SPTLC3: variants seen among roughly 807,000 people sequenced by gnomAD.
The protein encoded by SPTLC3 is serine palmitoyltransferase long chain base subunit 3, also known as serine palmitoyltransferase 3.
A neutral mutation model predicts 59.3 loss-of-function variants in SPTLC3; 36 were observed. The observed-to-expected ratio is 0.61, with a 90% CI of 0.47 to 0.80. The LOEUF is 0.80. Ranked by LOEUF, SPTLC3 falls within the 30% of genes least tolerant of loss-of-function variation. SPTLC3 has a pLI of 0.00. For synonymous variants in SPTLC3, 257 were observed against 240.8 expected (o/e 1.07, Z -0.62); for missense variants, 625 against 685.1 (o/e 0.91, Z 0.98).
intron 7 of SPTLC3, among the ~76,000 whole-genome samples, chr20:13,113,671 G>T (rs1485233871): frequency 6.6e-6 from 1 of 152,126 alleles, no homozygotes; most frequent in Non-Finnish European, 1.5e-5. Flanking sequence ...GCCTCCATAG[G>T]GTACTTTGGT....
intron 1 of SPTLC3, among the ~76,000 whole-genome samples, chr20:13,032,981 C>G (rs1388384487): frequency 6.6e-6 from 1 of 152,210 alleles, no homozygotes; most frequent in Non-Finnish European, 1.5e-5. Flanking sequence ...CTCTCTTTGA[C>G]TTCTGGGGTC....
intron 2 of SPTLC3, among the ~76,000 whole-genome samples, chr20:13,055,400 A>T (rs994462927): frequency 2.0e-5 from 3 of 152,050 alleles, no homozygotes; most frequent in Non-Finnish European, 4.4e-5. Context: ...AGTGATCTCC[A>T]TGGCCCCTAA....
intron 9 of SPTLC3, among the ~76,000 whole-genome samples, chr20:13,151,775 TG>T (rs2038653732): frequency 6.6e-6 from 1 of 152,182 alleles, no homozygotes; most frequent in Non-Finnish European, 1.5e-5. Context: ...AAATGTTAGA[TG>T]TCTGGGTAAA....
chr20:13,057,170 C>G (rs1987764675), intron 2 of SPTLC3, among the ~76,000 whole-genome samples: 1 of 152,158 alleles, frequency 6.6e-6, no homozygotes, highest in South Asian at 2.1e-4. Context: ...TCCAGTGACA[C>G]TTCATTCTTT....
rs1315027946 is a variant in SPTLC3, at chr20:13,168,571, C to T, written c.*3704C>T. The T allele has an allele frequency of 6.6e-6, 1 of 152,194 alleles. No homozygotes were observed. The highest frequency in any genetic ancestry group is 1.9e-4 in the East Asian group (1 of 5,204). The allele number at this position is 152,194 out of a possible 1,614,324, so 9.4% of individuals were successfully genotyped here. A position where few individuals can be genotyped will look rare whatever the true frequency, so the allele number is the denominator to read the frequency against. ...ATTATTTATTCCAACAACAGCTCTT[C>T]AGTAGGGTAAAAGTCTTAACAGTTC... On this transcript the variant is annotated 3_prime_UTR_variant, in exon 12 of 12. Coordinates refer to ENST00000399002, the MANE Select transcript of SPTLC3 (RefSeq NM_018327.4).
At chr20:13,014,262 T>C (rs1405235146) in intron 1 of SPTLC3, among the ~76,000 whole-genome samples, 1 of 152,176 alleles carries the variant, frequency 6.6e-6, no homozygotes, top group Non-Finnish European at 1.5e-5. Flanking sequence ...GTGACCATCT[T>C]TGGAAATAGT....
chr20:13,058,304 T>C (rs1241421487), intron 2 of SPTLC3, among the ~76,000 whole-genome samples: 1 of 152,192 alleles, frequency 6.6e-6, no homozygotes, highest in Non-Finnish European at 1.5e-5. Context: ...GGTGACTGGG[T>C]ATGAGATATG....
chr20:13,020,753 G>A (rs1985839071), intron 1 of SPTLC3, among the ~76,000 whole-genome samples: 1 of 152,026 alleles, frequency 6.6e-6, no homozygotes, highest in South Asian at 2.1e-4. Context: ...CACTAGCTTT[G>A]ATATCAGATG....
In SPTLC3 at chr20:13,164,786, C is replaced by G. The variant is rs1017390425; in HGVS notation, c.1578C>G (p.Leu526=). Reference sequence around the variant, plus strand: ...AAGCTCTTGATGAAATGGGTGATCTCTTGCAACTGAAATATTCCCGGCACA... The same window carrying G: ...AAGCTCTTGATGAAATGGGTGATCTGTTGCAACTGAAATATTCCCGGCACA... The part of the protein sequence containing the change: ...VLEALDEMGD[L]LQLKYSRHKK... Residue 526 remains leucine, a synonymous_variant, in exon 12 of 12, where the codon CTC becomes CTG. Transcript: ENST00000399002. The G allele has an allele frequency of 3.1e-6, 5 of 1,613,808 alleles. No individual in the cohort carries two copies. Among genetic ancestry groups the G allele is most frequent in the Non-Finnish European group, 3.4e-6 (4 of 1,179,866 alleles).
chr20:13,153,929 T>C, intron 9 of SPTLC3, 74 bp from the exon 10 acceptor site: 1 of 1,575,472 alleles, frequency 6.3e-7, no homozygotes, highest in Non-Finnish European at 8.6e-7. Flanking sequence ...TTAAAGATGC[T>C]TGCCAAGTTG....
intron 4 of SPTLC3, among the ~76,000 whole-genome samples, chr20:13,077,498 T>C (rs945276097): frequency 6.6e-6 from 1 of 151,910 alleles, no homozygotes; most frequent in African/African-American, 2.4e-5. Flanking sequence ...GAAAACCACA[T>C]GAAATTCTAA....
rs1341838621 is a variant in SPTLC3 at position 13,036,983 on chromosome 20, A to C, written c.118-11962A>C. On this transcript the variant is annotated intron_variant, in intron 1 of 11. Coordinates refer to ENST00000399002, the MANE Select transcript of SPTLC3 (RefSeq NM_018327.4). ...GGGTAGTCCTTGGCTTTGTTGATTC[A>C]GTAACTCAACAATGTAATCGAAAAC... Among the ~76,000 whole-genome samples, 9 of 152,246 alleles carry C rather than the reference A, an allele frequency of 5.9e-5. No individual in the cohort carries two copies. In the East Asian group the frequency reaches 1.7e-3, roughly 29 times the overall value.
intron 9 of SPTLC3, among the ~76,000 whole-genome samples, chr20:13,132,253 T>G (rs1323433220): frequency 6.8e-6 from 1 of 146,224 alleles, no homozygotes. Context: ...CTCGGCTCAC[T>G]GCAACCTCCA....
At chr20:13,114,156 C>T (rs1310624615) in intron 7 of SPTLC3, among the ~76,000 whole-genome samples, 1 of 152,192 alleles carries the variant, frequency 6.6e-6, no homozygotes, top group Admixed American at 6.5e-5. Context: ...ACCCATTTGA[C>T]CTTTACCATT....
intron 4 of SPTLC3, among the ~76,000 whole-genome samples, chr20:13,080,236 G>A (rs1399899899): frequency 6.6e-6 from 1 of 152,094 alleles, no homozygotes; most frequent in Non-Finnish European, 1.5e-5. Context: ...TTGGCCAGGT[G>A]CGGTGACTCA....
intron 8 of SPTLC3, among the ~76,000 whole-genome samples, chr20:13,118,319 C>T (rs2122745710): frequency 6.6e-6 from 1 of 151,798 alleles, no homozygotes; most frequent in South Asian, 2.1e-4. Context: ...GTTGCATACA[C>T]CATAGGTCAA....
At chr20:13,028,357 A>T (rs968140302) in intron 1 of SPTLC3, among the ~76,000 whole-genome samples, 5 of 152,124 alleles carry the variant, frequency 3.3e-5, no homozygotes, top group Non-Finnish European at 7.3e-5. Context: ...CAGACTTCAG[A>T]ATTTCATAGA....
intron 10 of SPTLC3, among the ~76,000 whole-genome samples, chr20:13,158,318 C>T (rs1000808757): frequency 1.3e-5 from 2 of 152,122 alleles, no homozygotes; most frequent in African/African-American, 4.8e-5. Context: ...AACTTAAGAA[C>T]ACTAGCTTTA....
At chr20:13,155,897 T>C (rs2038758013) in intron 10 of SPTLC3, among the ~76,000 whole-genome samples, 1 of 152,180 alleles carries the variant, frequency 6.6e-6, no homozygotes, top group Non-Finnish European at 1.5e-5. Flanking sequence ...TGTTCACAGA[T>C]CTGGGTCAGG....
Sources: allele counts gnomAD v4.1 joint callset (sites outside exome capture counted in the v4.1 genomes callset), GRCh38; gene constraint gnomAD v4.1.1; transcripts MANE v1.5; gene names NCBI Gene and HGNC (gene_info 2026-07-23, HGNC 2026-07-21).